The following PPFIA4 variants were observed in gnomAD, a reference collection of about 807,000 sequenced individuals.
PPFIA4 encodes liprin-alpha-4.
Under a neutral mutation model 145.7 loss-of-function variants are expected in PPFIA4, and 98 were observed. That is an observed-to-expected ratio of 0.67 (90% confidence interval 0.57 to 0.80). PPFIA4 has a LOEUF of 0.80. Ranked by LOEUF, PPFIA4 falls within the 30% of genes least tolerant of loss-of-function variation. PPFIA4 has a pLI of 0.00. For synonymous variants in PPFIA4, 628 were observed against 649.6 expected (o/e 0.97, Z 0.51); for missense variants, 1,457 against 1,632.7 (o/e 0.89, Z 1.85).
chr1:203,046,714 T>C (rs1294101833), intron 9 of PPFIA4, among the ~76,000 whole-genome samples: 1 of 151,660 alleles, frequency 6.6e-6, no homozygotes, highest in Non-Finnish European at 1.5e-5. Context: ...TTTCTTTCAC[T>C]TGGGGCTGGA....
chr1:203,075,730 G>A lies in PPFIA4; in HGVS notation c.3547G>A (p.Ala1183Thr), dbSNP rs1662486095. The part of the protein sequence containing the change: ...STLGTLQPPP[A>T]PPKKIMPEAH... ...CCTGGGGACCCTGCAGCCCCCACCGGCCCCGCCAAAGAAGATCATGCCTGA... is the reference window on the plus strand; with the variant it reads ...CCTGGGGACCCTGCAGCCCCCACCGACCCCGCCAAAGAAGATCATGCCTGA... The change falls in exon 29 of 30, where the codon GCC becomes ACC. Residue 1183 changes from alanine (A) to threonine (T), a missense_variant. By Grantham distance (58) the Ala-to-Thr change is moderately conservative. Coordinates refer to ENST00000295706, the MANE Select transcript of PPFIA4 (RefSeq NM_001304331.2). The surrounding 1 kb of genome is among the most constrained non-coding windows in gnomAD (Gnocchi z 4.1). 5.1e-6 allele frequency: 7 copies of A among 1,382,916 alleles called. No homozygotes were observed. Among genetic ancestry groups the A allele is most frequent in the Non-Finnish European group, 6.6e-6 (7 of 1,061,754 alleles). The allele number at this position is 1,382,916 out of a possible 1,614,324, so 85.7% of individuals were successfully genotyped here.
intron 24 of PPFIA4, chr1:203,063,516 T>A: frequency 3.4e-6 from 1 of 298,228 alleles, no homozygotes; most frequent in South Asian, 3.2e-5. Flanking sequence ...ATACCGCAAA[T>A]GCAACCCAGA....
At position 203,076,732 on chromosome 1, in the gene PPFIA4, A is replaced by G. The variant is rs753857706; in HGVS notation, c.*342A>G. The G allele has an allele frequency of 6.3e-5, 21 of 332,640 alleles. No individual in the cohort carries two copies. The highest frequency in any genetic ancestry group is 1.0e-4 in the Non-Finnish European group (18 of 179,176). 20.6% of individuals were successfully genotyped at this position (332,640 alleles called of 1,614,324 possible). ...TGGACCCAGCCTGGTCTGCACTGCA[A>G]CCTCCACCAGGACCAGGATCCTGGG... On this transcript the variant is annotated 3_prime_UTR_variant, in exon 30 of 30. Coordinates refer to ENST00000295706, the MANE Select transcript of PPFIA4 (RefSeq NM_001304331.2).
At chr1:203,039,711 T>C (rs553408167) in intron 2 of PPFIA4, among the ~76,000 whole-genome samples, 7 of 152,324 alleles carry the variant, frequency 4.6e-5, no homozygotes, top group Non-Finnish European at 7.4e-5. Flanking sequence ...CAGCCAGATG[T>C]CTCGACATCC....
chr1:203,046,526 A>G (rs1211920261), intron 9 of PPFIA4, 144 bp downstream of exon 9: 5 of 935,254 alleles, frequency 5.3e-6, no homozygotes, highest in Admixed American at 5.7e-5. Flanking sequence ...CAGGGAGCAC[A>G]CTGCCTTGTG....
rs766066959 is a variant in PPFIA4, at chr1:203,056,874, G to C, written c.2331G>C (p.Ser777=). 1.9e-6 allele frequency: 3 copies of C among 1,614,088 alleles called. No homozygotes were observed. In the South Asian group the frequency reaches 3.3e-5, roughly 18 times the overall value. The change falls in exon 19 of 30, where the codon TCG becomes TCC. Residue 777 remains serine (S), a synonymous_variant. Coordinates refer to ENST00000295706, the MANE Select transcript of PPFIA4 (RefSeq NM_001304331.2). The part of the protein sequence containing the change: ...HKGAKRKGIK[S]SIGRLFGKKE... The stretch of plus-strand genomic sequence containing the variant: ...GCGCCAAGCGCAAGGGCATCAAGTC[G>C]TCCATTGGCCGCCTGTTTGGGAAGA...
At chr1:203,059,689 G>A in intron 20 of PPFIA4, 81 bp from the exon 21 acceptor site, 2 of 1,225,630 alleles carry the variant, frequency 1.6e-6, no homozygotes, top group South Asian at 2.6e-5. Flanking sequence ...TCCAGCTCTT[G>A]CACAGCCCAG....
intron 18 of PPFIA4, 95 bp downstream of exon 18, chr1:203,056,603 G>A: frequency 6.8e-7 from 1 of 1,471,546 alleles, no homozygotes; most frequent in Non-Finnish European, 9.2e-7. Context: ...CCCTGTCCCA[G>A]TTTCTGAATG....
Position 203,068,368 on chromosome 1 carries a change from T to G in PPFIA4, c.3149-85T>G. The G allele has an allele frequency of 7.8e-7, 1 of 1,276,240 alleles. No homozygotes were observed. The highest frequency in any genetic ancestry group is 1.1e-6 in the Non-Finnish European group (1 of 932,118). 79.1% of individuals were successfully genotyped at this position (1,276,240 alleles called of 1,614,324 possible). A position where few individuals can be genotyped will look rare whatever the true frequency, so the allele number is the denominator to read the frequency against. ...GAGCAGGGTGGACTGCGGCTCTGGG[T>G]TTAGGGAGCTCTGCTTCTGTCCTTG... On this transcript the variant is annotated intron_variant, in intron 26 of 29. Transcript: ENST00000295706. The surrounding 1 kb of genome is among the most constrained non-coding windows in gnomAD (Gnocchi z 4.7).
chr1:203,035,399 T>C, intron 1 of PPFIA4: 1 of 437,994 alleles, frequency 2.3e-6, no homozygotes, highest in African/African-American at 2.0e-5. Flanking sequence ...TCCTGTGTGT[T>C]AGGAAAAGGT....
chr1:203,027,330 C>A (rs1571642348), intron 1 of PPFIA4, among the ~76,000 whole-genome samples: 1 of 152,260 alleles, frequency 6.6e-6, no homozygotes, highest in Middle Eastern at 3.4e-3. Context: ...TGTTTTCCAG[C>A]GCAGATTTTG....
intron 9 of PPFIA4, among the ~76,000 whole-genome samples, chr1:203,047,116 G>A (rs1660142229): frequency 6.6e-6 from 1 of 152,206 alleles, no homozygotes; most frequent in Non-Finnish European, 1.5e-5. Context: ...CGGTGTTTAG[G>A]AAGCACCAGG....
Position 203,049,659 on chromosome 1 carries a change from C to T in PPFIA4, c.1420-17C>T, listed in dbSNP as rs970359897. ...CTGGCCCCCACTCCCGCCCCCACCC[C>T]GGGTCTGCTGGCACAGGGCCGCCTG... On this transcript the variant is annotated splice_polypyrimidine_tract_variant and intron_variant, in intron 12 of 29. Transcript: ENST00000295706. The T allele has an allele frequency of 1.5e-5, 23 of 1,511,578 alleles. No individual in the cohort carries two copies. Among genetic ancestry groups the T allele is most frequent in the Middle Eastern group, 4.3e-4 (2 of 4,646 alleles). The allele number at this position is 1,511,578 out of a possible 1,614,324, so 93.6% of individuals were successfully genotyped here.
In PPFIA4 at chr1:203,049,648, C is replaced by T. The variant is rs544683602; in HGVS notation, c.1420-28C>T. On this transcript the variant is annotated intron_variant, in intron 12 of 29. Transcript: ENST00000295706. ...TCTGCCCCTCCCTGGCCCCCACTCCCGCCCCCACCCCGGGTCTGCTGGCAC... is the reference window on the plus strand; with the variant it reads ...TCTGCCCCTCCCTGGCCCCCACTCCTGCCCCCACCCCGGGTCTGCTGGCAC... 1,581 of 1,477,584 alleles carry T rather than the reference C, an allele frequency of 1.1e-3. 3 individuals carry two copies. Among genetic ancestry groups the T allele is most frequent in the Non-Finnish European group, 1.4e-3 (1,528 of 1,111,192 alleles). The allele number at this position is 1,477,584 out of a possible 1,614,324, so 91.5% of individuals were successfully genotyped here. A position where few individuals can be genotyped will look rare whatever the true frequency, so the allele number is the denominator to read the frequency against.
chr1:203,059,658 G>A (rs917670151), intron 20 of PPFIA4, 112 bp from the exon 21 acceptor site: 7 of 826,570 alleles, frequency 8.5e-6, no homozygotes, highest in Admixed American at 8.0e-5. Flanking sequence ...AGTCCAGGGT[G>A]GGGAGCAAGG....
chr1:203,061,623 C>T (rs1661367201), intron 23 of PPFIA4, 29 bp from the exon 24 acceptor site: 2 of 1,554,808 alleles, frequency 1.3e-6, no homozygotes, highest in Non-Finnish European at 1.7e-6. Context: ...TGCCTGTTTC[C>T]CCTAACACGC....
chr1:203,053,623 G>T (rs1457893449), intron 14 of PPFIA4, 130 bp from the exon 15 acceptor site: 1 of 732,106 alleles, frequency 1.4e-6, no homozygotes, highest in Non-Finnish European at 2.3e-6. Flanking sequence ...CTGGTGGTGC[G>T]GCCTGAGATT....
chr1:203,046,702 A>G (rs927732854), intron 9 of PPFIA4, among the ~76,000 whole-genome samples: 3 of 148,792 alleles, frequency 2.0e-5, no homozygotes, highest in East Asian at 3.9e-4. Flanking sequence ...CGTGGTGAAC[A>G]CTTTCTTTCA....
At chr1:203,063,797 C>G in intron 24 of PPFIA4, 31 bp from the exon 25 acceptor site, 1 of 1,612,608 alleles carries the variant, frequency 6.2e-7, no homozygotes, top group African/African-American at 1.3e-5. Context: ...CTTCCTCCCC[C>G]ATAATAGCCT....
Sources: allele counts gnomAD v4.1 joint callset (sites outside exome capture counted in the v4.1 genomes callset), GRCh38; gene constraint gnomAD v4.1.1; non-coding constraint Gnocchi (gnomAD v3.1); transcripts MANE v1.5; gene names NCBI Gene and HGNC (gene_info 2026-07-23, HGNC 2026-07-21).